The following BBS1 variants were observed in gnomAD, a reference collection of about 807,000 sequenced individuals.
BBS1 encodes Bardet-Biedl syndrome 1, also known as BBSome complex member BBS1.
BBS1 carries 60 observed loss-of-function variants against 73.9 expected under a neutral mutation model. That is an observed-to-expected ratio of 0.81 (90% CI 0.66 to 1.01). BBS1 has a LOEUF of 1.01. BBS1 is among the 50% of genes least tolerant of loss of function. The pLI, the probability that BBS1 is intolerant of heterozygous loss-of-function variation, is 0.00. For synonymous variants in BBS1, 283 were observed against 317.4 expected (o/e 0.89, Z 1.15); for missense variants, 718 against 770.3 (o/e 0.93, Z 0.80).
chr11:66,514,508 G>A lies in BBS1; in HGVS notation c.262G>A (p.Ala88Thr). The change falls in exon 4 of 17, where the codon GCT becomes ACT. Residue 88 changes from alanine to threonine, a missense_variant. Transcript: ENST00000318312. ...AAGCCCGCTACCTGCTCTGCCAGCT[G>A]CTGCTGCCACCTTCCTCATGGAGCA... ...TESPLPALPA[A>T]AATFLMEQHE... The A allele has an allele frequency of 6.2e-7, 1 of 1,614,140 alleles. No homozygotes were observed. The highest frequency in any genetic ancestry group is 8.5e-7 in the Non-Finnish European group (1 of 1,180,036).
In BBS1 at chr11:66,519,761, T is replaced by C. The variant is rs776079452; in HGVS notation, c.723+13T>C. On this transcript the variant is annotated intron_variant, in intron 8 of 16. Coordinates refer to ENST00000318312, the MANE Select transcript of BBS1 (RefSeq NM_024649.5). ...CATTTTAGCCAAGGTCAGCGTCAGG[T>C]CTGGCCCTGGGCCCGCTGGAGGCCC... 5 of 1,612,486 alleles carry C rather than the reference T, an allele frequency of 3.1e-6. No individual in the cohort carries two copies. In the East Asian group the frequency reaches 1.1e-4, roughly 36 times the overall value.
chr11:66,523,300 T>C, intron 9 of BBS1, 156 bp from the exon 10 acceptor site: 1 of 1,034,742 alleles, frequency 9.7e-7, no homozygotes, highest in Non-Finnish European at 1.5e-6. Context: ...GGCCACACAT[T>C]TACTAAGGTG....
At chr11:66,518,118 C>T (rs11821162) in intron 7 of BBS1, among the ~76,000 whole-genome samples, 3,007 of 150,078 alleles carry the variant, frequency 0.02, 90 homozygotes, top group African/African-American at 0.069. Flanking sequence ...CCACCACGCC[C>T]GGCTAATTTT....
chr11:66,526,673 T>C lies in BBS1; in HGVS notation c.1205T>C (p.Leu402Pro), dbSNP rs767150997. ...GGTGGTGGCCTGATCATCAAGATCCTGAAGCGTACAGCAGTGTTTGTAGAG... is the reference window on the plus strand; with the variant it reads ...GGTGGTGGCCTGATCATCAAGATCCCGAAGCGTACAGCAGTGTTTGTAGAG... Reference protein sequence around the residue: ...TRGGGLIIKILKRTAVFVEGG... With the variant: ...TRGGGLIIKIPKRTAVFVEGG... Residue 402 changes from leucine (L) to proline (P), a missense_variant, in exon 13 of 17, where the codon CTG (leucine) becomes CCG (proline). By Grantham distance (98) the Leu-to-Pro change is moderately conservative. Transcript: ENST00000318312. 3 of 1,614,216 alleles carry C rather than the reference T, an allele frequency of 1.9e-6. No homozygotes were observed. The highest frequency in any genetic ancestry group is 3.3e-5 in the Admixed American group (2 of 60,018).
intron 12 of BBS1, 46 bp from the exon 13 acceptor site, chr11:66,526,603 G>A (rs2134811816): frequency 6.2e-7 from 1 of 1,613,008 alleles, no homozygotes; most frequent in Non-Finnish European, 8.5e-7. Context: ...GGGAATGTGG[G>A]TAGAACTGGG....
chr11:66,529,331 G>T, intron 13 of BBS1: 1 of 1,535,536 alleles, frequency 6.5e-7, no homozygotes, highest in Non-Finnish European at 8.7e-7. Context: ...GGTTTCCGCA[G>T]CATTGAGCCT....
Position 66,515,935 on chromosome 11 carries a change from T to TA in BBS1, c.591+4dup. The TA allele has an allele frequency of 6.2e-7, 1 of 1,614,062 alleles. No homozygotes were observed. Among genetic ancestry groups the TA allele is most frequent in the Non-Finnish European group, 8.5e-7 (1 of 1,179,936 alleles). ...AAGTCCAACTCCATCAAGCGGCAGG[T>TA]AATACCCCCTTCTCTTTTTATTTCC... On this transcript the variant is annotated splice_region_variant and intron_variant, in intron 7 of 16. Transcript: ENST00000318312.
At chr11:66,511,133 G>A (rs780899721) in intron 2 of BBS1, 44 bp downstream of exon 2, 3 of 1,613,716 alleles carry the variant, frequency 1.9e-6, no homozygotes, top group African/African-American at 1.3e-5. Context: ...GTGGGATGGG[G>A]AGTCAGACAA....
chr11:66,518,728 A>C (rs1390554977), intron 7 of BBS1, among the ~76,000 whole-genome samples: 2 of 149,678 alleles, frequency 1.3e-5, no homozygotes, highest in South Asian at 4.2e-4. Flanking sequence ...CTGGGCTTAC[A>C]GGTGTGAGCC....
chr11:66,521,683 A>C (rs1019504260), intron 9 of BBS1: 28 of 371,530 alleles, frequency 7.5e-5, no homozygotes, highest in Non-Finnish European at 1.3e-4. Flanking sequence ...AGGCAAGCGG[A>C]TCACCTGAGG....
intron 14 of BBS1, among the ~76,000 whole-genome samples, chr11:66,530,246 C>T (rs900814795): frequency 6.6e-6 from 1 of 152,128 alleles, no homozygotes; most frequent in Non-Finnish European, 1.5e-5. Flanking sequence ...TTCCCAAGAA[C>T]CTGAAGGGAT....
intron 7 of BBS1, among the ~76,000 whole-genome samples, chr11:66,516,369 G>A (rs577689049): frequency 1.1e-4 from 17 of 152,014 alleles, no homozygotes; most frequent in African/African-American, 3.1e-4. Flanking sequence ...CAGGTGATCC[G>A]CCTACCTTGA....
At chr11:66,510,841 T>C in intron 1 of BBS1, 135 bp downstream of exon 1, 1 of 1,414,506 alleles carries the variant, frequency 7.1e-7, no homozygotes, top group Non-Finnish European at 1.0e-6. Context: ...AACCGAGGCC[T>C]AAGATGTGCA....
Position 66,511,790 on chromosome 11 carries a change from G to C in BBS1, c.159+551G>C, listed in dbSNP as rs11227504. On this transcript the variant is annotated intron_variant, in intron 3 of 16. Coordinates refer to ENST00000318312, the MANE Select transcript of BBS1 (RefSeq NM_024649.5). ...GAGGTGGGTGGATCGCTTGAGCTTA[G>C]GCATTCGAGACCAGCCTGTCCAACA... Among the ~76,000 whole-genome samples, 826 of 151,892 alleles carry C rather than the reference G, an allele frequency of 5.4e-3. 60 individuals are homozygous for C. In the East Asian group the frequency reaches 0.14, roughly 25 times the overall value.
chr11:66,530,935 G>A lies in BBS1; in HGVS notation c.1515G>A (p.Leu505=). The A allele has an allele frequency of 2.5e-6, 4 of 1,614,140 alleles. No individual in the cohort carries two copies. Among genetic ancestry groups the A allele is most frequent in the Non-Finnish European group, 3.4e-6 (4 of 1,180,000 alleles). ...CCACCTTTAAGCTCACACTTCACCT[G>A]CAGAACACCTCAACAACCCGTCCTG... ...LGPTFKLTLH[L]QNTSTTRPVL... is the part of the protein sequence containing the mutation. Residue 505 remains leucine (L), a synonymous_variant, in exon 15 of 17, where the codon CTG becomes CTA. Coordinates refer to ENST00000318312, the MANE Select transcript of BBS1 (RefSeq NM_024649.5).
At chr11:66,531,519 C>A in intron 15 of BBS1, 137 bp from the exon 16 acceptor site, 3 of 1,131,510 alleles carry the variant, frequency 2.7e-6, no homozygotes, top group Non-Finnish European at 4.0e-6. Context: ...CACCTGCATC[C>A]TCCTCCACCC....
chr11:66,517,426 C>T (rs1856073416), intron 7 of BBS1, among the ~76,000 whole-genome samples: 1 of 150,932 alleles, frequency 6.6e-6, no homozygotes, highest in African/African-American at 2.4e-5. Context: ...TAGCCTTCCA[C>T]ATGTTTTTGC....
chr11:66,527,014 T>G, intron 13 of BBS1: 1 of 1,536,696 alleles, frequency 6.5e-7, no homozygotes, highest in Non-Finnish European at 8.7e-7. Context: ...GTGCTGTGGG[T>G]GACAGCAAGA....
chr11:66,516,446 TATC>T (rs1267614908), intron 7 of BBS1, among the ~76,000 whole-genome samples: 5 of 152,136 alleles, frequency 3.3e-5, no homozygotes, highest in African/African-American at 1.2e-4. Flanking sequence ...ATTTTTGAGT[TATC>T]ATTAACATTT....
Sources: gnomAD v4.1 joint callset for allele counts (sites outside exome capture counted in the v4.1 genomes callset) on GRCh38, gnomAD v4.1.1 for gene constraint, MANE v1.5 for transcripts, NCBI Gene and HGNC (gene_info 2026-07-23, HGNC 2026-07-21) for gene names.